Variants in PTPRT observed in about 807,000 individuals in gnomAD.
PTPRT encodes the protein receptor-type tyrosine-protein phosphatase T.
PTPRT carries 56 observed loss-of-function variants against 176.8 expected under a neutral mutation model. The observed-to-expected ratio is 0.32, with a 90% CI of 0.26 to 0.40. The LOEUF (loss-of-function observed/expected upper bound fraction) is 0.40. Ranked by LOEUF, PTPRT falls within the 10% of genes least tolerant of loss-of-function variation. The probability of loss-of-function intolerance (pLI) is 1.00; values close to 1 mark genes in which losing one functional copy is unlikely to be tolerated. For synonymous variants in PTPRT, 783 were observed against 739.0 expected, an observed-to-expected ratio of 1.06 and a Z score of -0.96; for missense variants, 1,540 against 1,908.2, an observed-to-expected ratio of 0.81 and a Z score of 3.60.
chr20:42,947,031 T>A (rs1484279278), intron 1 of PTPRT, among the ~76,000 whole-genome samples: 2 of 152,158 alleles, frequency 1.3e-5, no homozygotes, highest in Non-Finnish European at 2.9e-5. Context: ...ACAGGGAGAT[T>A]TCTGACTGAG....
chr20:42,217,640 A>T (rs58065539), intron 15 of PTPRT, among the ~76,000 whole-genome samples: 3,677 of 152,176 alleles, frequency 0.024, 138 homozygotes, highest in African/African-American at 0.085. Context: ...GGGCCAGATA[A>T]TTATTTGCTA....
At chr20:42,327,093 G>C (rs1190852383) in intron 11 of PTPRT, among the ~76,000 whole-genome samples, 1 of 151,602 alleles carries the variant, frequency 6.6e-6, no homozygotes, top group African/African-American at 2.4e-5. Context: ...GTGTGTGTGT[G>C]TGTGTGTGTG....
chr20:42,780,070 A>G, intron 4 of PTPRT, 148 bp downstream of exon 4: 1 of 706,848 alleles, frequency 1.4e-6, no homozygotes, highest in Non-Finnish European at 2.5e-6. Context: ...GACTGATTGC[A>G]TTGAGTATGT....
chr20:42,231,573 G>A (rs977012158), intron 15 of PTPRT, among the ~76,000 whole-genome samples: 1 of 152,156 alleles, frequency 6.6e-6, no homozygotes. Flanking sequence ...ATCAGGCACG[G>A]GATAAAGTAC....
chr20:42,072,867 A>G lies in PTPRT; in HGVS notation c.*8012T>C. The G allele has an allele frequency of 9.0e-6, 2 of 221,658 alleles. No homozygotes were observed. Among genetic ancestry groups the G allele is most frequent in the Non-Finnish European group, 1.8e-5 (2 of 110,514 alleles). The allele number at this position is 221,658 out of a possible 1,614,324, so 13.7% of individuals were successfully genotyped here. On this transcript the variant is annotated 3_prime_UTR_variant, in exon 31 of 31. Coordinates refer to ENST00000373187, the MANE Select transcript of PTPRT (RefSeq NM_007050.6). Reference sequence around the variant, plus strand: ...ACAAGAATAAATAAGATGGACTTGCAGGTGTAAAAAGATTACACTTCACTG... The same window carrying G: ...ACAAGAATAAATAAGATGGACTTGCGGGTGTAAAAAGATTACACTTCACTG...
intron 1 of PTPRT, among the ~76,000 whole-genome samples, chr20:42,960,391 A>C (rs889000015): frequency 2.6e-5 from 4 of 152,032 alleles, no homozygotes; most frequent in Admixed American, 2.0e-4. Flanking sequence ...GGACCTAACA[A>C]GCTCCCTCTA....
chr20:42,195,258 A>T (rs1443947863), intron 16 of PTPRT, among the ~76,000 whole-genome samples: 1 of 152,216 alleles, frequency 6.6e-6, no homozygotes, highest in Non-Finnish European at 1.5e-5. Context: ...ATAATTGCTC[A>T]AGGCACGTTC....
chr20:42,483,231 T>A (rs2071414735), intron 7 of PTPRT, among the ~76,000 whole-genome samples: 1 of 152,158 alleles, frequency 6.6e-6, no homozygotes, highest in South Asian at 2.1e-4. Flanking sequence ...AGTGGCGTGA[T>A]CTTGGCTCAC....
intron 9 of PTPRT, among the ~76,000 whole-genome samples, chr20:42,406,766 C>A (rs544448454): frequency 6.6e-6 from 1 of 152,098 alleles, no homozygotes; most frequent in Non-Finnish European, 1.5e-5. Flanking sequence ...ATCAGTGCAT[C>A]CAAAGTACAA....
chr20:42,161,218 T>C, intron 17 of PTPRT, 134 bp downstream of exon 17: 1 of 929,298 alleles, frequency 1.1e-6, no homozygotes, highest in Non-Finnish European at 1.7e-6. Context: ...GGGCCTGAGA[T>C]GTTGCATTTC....
intron 16 of PTPRT, among the ~76,000 whole-genome samples, chr20:42,166,361 T>C (rs1290314927): frequency 6.6e-6 from 1 of 152,202 alleles, no homozygotes; most frequent in Non-Finnish European, 1.5e-5. Flanking sequence ...ATTGAGCACT[T>C]TGAAATGTGC....
At chr20:42,422,662 C>T (rs1400701773) in intron 9 of PTPRT, among the ~76,000 whole-genome samples, 1 of 152,166 alleles carries the variant, frequency 6.6e-6, no homozygotes, top group Non-Finnish European at 1.5e-5. Flanking sequence ...GACCTAAAGA[C>T]AGAAATACCA....
intron 7 of PTPRT, among the ~76,000 whole-genome samples, chr20:42,594,072 A>G (rs963634138): frequency 6.6e-6 from 1 of 152,184 alleles, no homozygotes; most frequent in Admixed American, 6.5e-5. Flanking sequence ...TGTCCTAGAG[A>G]ACAAGCTAGA....
At chr20:42,683,420 GGCAC>G (rs2075638402) in intron 6 of PTPRT, among the ~76,000 whole-genome samples, 1 of 152,088 alleles carries the variant, frequency 6.6e-6, no homozygotes, top group Admixed American at 6.6e-5. Flanking sequence ...TGGGATTACA[GGCAC>G]CTGTCACCAC....
rs761838952 is a variant in PTPRT, at chr20:42,967,553, C to T, written c.89-81621G>A. ...CCAAGGAAGTGCAGCCCTGCTGACA[C>T]CTTGATTTCAGACTGTGGACCCCAG... On this transcript the variant is annotated intron_variant, in intron 1 of 30. Coordinates refer to ENST00000373187, the MANE Select transcript of PTPRT (RefSeq NM_007050.6). Among the ~76,000 whole-genome samples the T allele has an allele frequency of 4.9e-4, 75 of 152,118 alleles. 1 individual carries two copies. Among genetic ancestry groups the T allele is most frequent in the Non-Finnish European group, 9.7e-4 (66 of 68,032 alleles).
intron 7 of PTPRT, among the ~76,000 whole-genome samples, chr20:42,478,732 C>A (rs2071332376): frequency 6.6e-6 from 1 of 152,048 alleles, no homozygotes; most frequent in Non-Finnish European, 1.5e-5. Flanking sequence ...GCCTCGATGA[C>A]ATTTTTTTTC....
In PTPRT at chr20:42,666,132, GAAAAT is replaced by G. The variant is rs1218207931; in HGVS notation, c.1153+11729_1153+11733del. On this transcript the variant is annotated intron_variant, in intron 7 of 30. Coordinates refer to ENST00000373187, the MANE Select transcript of PTPRT (RefSeq NM_007050.6). ...AAAAAATAAAGGCTGAAAGAAAGAA[GAAAAT>G]AAAATAAAATTAGTTATGTAACATC... Among the ~76,000 whole-genome samples, 11 of 151,712 alleles carry G rather than the reference GAAAAT, an allele frequency of 7.3e-5. No homozygotes were observed. The East Asian group carries it at 1.9e-3, about 27-fold the overall frequency.
In PTPRT at chr20:42,472,577, G is replaced by A; in HGVS notation, c.1154-15C>T. 1 of 1,611,564 alleles carries A rather than the reference G, an allele frequency of 6.2e-7. No individual in the cohort carries two copies. Among genetic ancestry groups the A allele is most frequent in the Non-Finnish European group, 8.5e-7 (1 of 1,179,324 alleles). On this transcript the variant is annotated splice_polypyrimidine_tract_variant and intron_variant, in intron 7 of 30. Transcript: ENST00000373187. ...ATGTACCGGATCTGCAAAACATGCA[G>A]GCAAGAAACAAGGGTTCTGAAGAGA... is the stretch of plus-strand genomic sequence containing the variant.
chr20:42,392,800 A>G (rs569943652), intron 9 of PTPRT, among the ~76,000 whole-genome samples: 1 of 152,342 alleles, frequency 6.6e-6, no homozygotes, highest in East Asian at 1.9e-4. Flanking sequence ...GCAGGGAAGA[A>G]AAGATTTCTT....
Sources: gnomAD v4.1 joint callset for allele counts (sites outside exome capture counted in the v4.1 genomes callset) on GRCh38, gnomAD v4.1.1 for gene constraint, MANE v1.5 for transcripts, NCBI Gene and HGNC (gene_info 2026-07-23, HGNC 2026-07-21) for gene names.